MAP2: variants seen among roughly 807,000 people sequenced by gnomAD.
The protein encoded by MAP2 is microtubule-associated protein 2.
A neutral mutation model predicts 137.6 loss-of-function variants in MAP2; 14 were observed. The observed-to-expected ratio is 0.10, with a 90% CI of 0.07 to 0.16. The LOEUF (loss-of-function observed/expected upper bound fraction) is 0.16, where lower values mean the gene tolerates loss of function less well. Among genes scored for constraint, MAP2 ranks in the 10% least tolerant of loss-of-function variants. The pLI is 1.00. For synonymous variants in MAP2, 786 were observed against 782.3 expected, an observed-to-expected ratio of 1.00 and a Z score of -0.08; for missense variants, 2,088 against 2,191.5, an observed-to-expected ratio of 0.95 and a Z score of 0.94.
At chr2:209,528,468 AT>A (rs1220860377) in intron 2 of MAP2, among the ~76,000 whole-genome samples, 12 of 152,094 alleles carry the variant, frequency 7.9e-5, no homozygotes, top group African/African-American at 2.9e-4. Context: ...TAGCAATATA[AT>A]GTTATATTTG....
chr2:209,604,395 G>C (rs1464004039), intron 3 of MAP2, among the ~76,000 whole-genome samples: 1 of 152,066 alleles, frequency 6.6e-6, no homozygotes. Context: ...TGCCCTATCT[G>C]CATAATCATG....
At chr2:209,634,399 G>A (rs1200543116) in intron 4 of MAP2, among the ~76,000 whole-genome samples, 2 of 152,132 alleles carry the variant, frequency 1.3e-5, no homozygotes, top group Non-Finnish European at 2.9e-5. Context: ...CAGTTGAAAC[G>A]TTGTTTGTCC....
chr2:209,532,936 T>C (rs1261191705), intron 2 of MAP2, among the ~76,000 whole-genome samples: 2 of 152,142 alleles, frequency 1.3e-5, no homozygotes, highest in African/African-American at 2.4e-5. Flanking sequence ...AGCTGGGATT[T>C]GCCCACTCCT....
At chr2:209,539,833 C>T (rs113065099) in intron 2 of MAP2, among the ~76,000 whole-genome samples, 6 of 150,458 alleles carry the variant, frequency 4.0e-5, no homozygotes, top group East Asian at 1.9e-4. Context: ...TGCAGTGGCT[C>T]GTGCCTATAA....
intron 1 of MAP2, among the ~76,000 whole-genome samples, chr2:209,434,814 C>CCTCTCTCTCTCT (rs58596249): frequency 6.8e-5 from 7 of 103,296 alleles, no homozygotes; most frequent in African/African-American, 2.5e-4. Context: ...AGAGCCAGAT[C>CCTCTCTCTCTCT]CTCTCTCTCT....
intron 5 of MAP2, chr2:209,661,423 C>A: frequency 1.4e-6 from 1 of 740,262 alleles, no homozygotes; most frequent in Non-Finnish European, 1.6e-6. Context: ...AGTTGCCATG[C>A]CAACCACTCA....
At position 209,629,690 on chromosome 2, in the gene MAP2, T is replaced by A. The variant is rs543830562; in HGVS notation, c.-30+4561T>A. ...CCTATTCTGTACTCTCAGCTGGCAG[T>A]CATATCCAGATCTCAAGCTACTCTG... On this transcript the variant is annotated intron_variant, in intron 4 of 15. Transcript: ENST00000682079. 7.6e-4 allele frequency among the ~76,000 whole-genome samples: 115 copies of A among 152,296 alleles called. 3 individuals are homozygous for A. In the South Asian group the frequency reaches 0.023, roughly 31 times the overall value.
At chr2:209,611,672 A>G (rs990655907) in intron 3 of MAP2, among the ~76,000 whole-genome samples, 1 of 152,078 alleles carries the variant, frequency 6.6e-6, no homozygotes, top group Non-Finnish European at 1.5e-5. Flanking sequence ...GTGGAGTTAT[A>G]TGAGTCCATA....
intron 5 of MAP2, among the ~76,000 whole-genome samples, chr2:209,676,012 T>C (rs2051223321): frequency 6.6e-6 from 1 of 151,914 alleles, no homozygotes. Context: ...AAACCTTTCA[T>C]ATTAATTTTC....
intron 4 of MAP2, among the ~76,000 whole-genome samples, chr2:209,651,011 A>G (rs2094754585): frequency 6.6e-6 from 1 of 152,224 alleles, no homozygotes; most frequent in Non-Finnish European, 1.5e-5. Flanking sequence ...TGATGTAGGC[A>G]AGAATCTATC....
At chr2:209,712,283 C>T (rs1311428058) in intron 13 of MAP2, among the ~76,000 whole-genome samples, 1 of 152,004 alleles carries the variant, frequency 6.6e-6, no homozygotes, top group Non-Finnish European at 1.5e-5. Flanking sequence ...ATATCTCATA[C>T]TTTTGAGCTG....
At chr2:209,615,073 C>G (rs1429242010) in intron 3 of MAP2, among the ~76,000 whole-genome samples, 2 of 152,168 alleles carry the variant, frequency 1.3e-5, no homozygotes, top group Admixed American at 1.3e-4. Flanking sequence ...TATCCACGAT[C>G]AGGAATGTCA....
Position 209,618,500 on chromosome 2 carries a change from C to T in MAP2, c.-106-6553C>T, listed in dbSNP as rs79585312. Among the ~76,000 whole-genome samples the T allele has an allele frequency of 5.0e-3, 758 of 152,286 alleles. 23 individuals carry two copies. Among genetic ancestry groups the T allele is most frequent in the Admixed American group, 0.043 (657 of 15,288 alleles). On this transcript the variant is annotated intron_variant, in intron 3 of 15. Transcript: ENST00000682079. ...AGTCTTACGACAACATGTGAACCTG[C>T]TCAATTTCCTTTGAGCCTCTCTCCA...
At chr2:209,719,635 G>A (rs2069349695) in intron 13 of MAP2, among the ~76,000 whole-genome samples, 2 of 152,160 alleles carry the variant, frequency 1.3e-5, no homozygotes, top group Non-Finnish European at 1.5e-5. Flanking sequence ...TATATGCAGA[G>A]AGAGAGAGCA....
chr2:209,648,788 C>CA (rs767514301), intron 4 of MAP2, among the ~76,000 whole-genome samples: 15,858 of 79,330 alleles, frequency 0.2, 1,335 homozygotes, highest in African/African-American at 0.31. Flanking sequence ...GACTCCGTCT[C>CA]AAAAAAAAAA....
chr2:209,590,259 C>A (rs1007592528), intron 3 of MAP2, among the ~76,000 whole-genome samples: 1 of 152,162 alleles, frequency 6.6e-6, no homozygotes, highest in African/African-American at 2.4e-5. Context: ...CCTTTAGTGG[C>A]TCTCATTTGC....
chr2:209,540,136 A>T lies in MAP2; in HGVS notation c.-172+32495A>T, dbSNP rs288093. 8.0e-3 allele frequency among the ~76,000 whole-genome samples: 1,175 copies of T among 147,648 alleles called. 14 individuals carry two copies. The highest frequency in any genetic ancestry group is 0.027 in the African/African-American group (1,097 of 39,892). ...AAAAAAAAAAAAAGCCACAAAGTTT[A>T]CAATAGTGGATTTGGCCCAGAATCT... On this transcript the variant is annotated intron_variant, in intron 2 of 15. Coordinates refer to ENST00000682079, the MANE Select transcript of MAP2 (RefSeq NM_001375505.1).
chr2:209,456,988 AAC>A (rs112499351), intron 1 of MAP2, among the ~76,000 whole-genome samples: 4,034 of 152,268 alleles, frequency 0.026, 63 homozygotes, highest in Non-Finnish European at 0.034. Flanking sequence ...TACACACACA[AAC>A]ACATGCACAG....
At chr2:209,679,944 T>C (rs2053815972) in intron 6 of MAP2, among the ~76,000 whole-genome samples, 1 of 152,148 alleles carries the variant, frequency 6.6e-6, no homozygotes, top group African/African-American at 2.4e-5. Context: ...TCCCCTAATA[T>C]TTAAAATAGA....
Sources: gnomAD v4.1 joint callset for allele counts (sites outside exome capture counted in the v4.1 genomes callset) on GRCh38, gnomAD v4.1.1 for gene constraint, MANE v1.5 for transcripts, NCBI Gene and HGNC (gene_info 2026-07-23, HGNC 2026-07-21) for gene names.